Variants in INPP4B observed in about 807,000 individuals in gnomAD.
The protein encoded by INPP4B is inositol polyphosphate-4-phosphatase type II B.
Under a neutral mutation model 122.5 loss-of-function variants are expected in INPP4B, and 55 were observed. That is an observed-to-expected ratio of 0.45 (90% CI 0.36 to 0.56). The LOEUF (loss-of-function observed/expected upper bound fraction) is 0.56, where lower values mean the gene tolerates loss of function less well. INPP4B is among the 20% of genes least tolerant of loss of function. INPP4B has a pLI of 0.00. For synonymous variants in INPP4B, 403 were observed against 388.7 expected (o/e 1.04, Z -0.43); for missense variants, 1,000 against 1,097.7 (o/e 0.91, Z 1.26).
At position 142,587,286 on chromosome 4, in the gene INPP4B, C is replaced by T. The variant is rs574401674; in HGVS notation, c.-190-124560G>A. 2.7e-4 allele frequency among the ~76,000 whole-genome samples: 41 copies of T among 152,132 alleles called. 1 individual carries two copies. Among genetic ancestry groups the T allele is most frequent in the Non-Finnish European group, 5.0e-4 (34 of 67,980 alleles). The stretch of plus-strand genomic sequence containing the variant: ...TTTTTTATATCACTGGTTTCCATAA[C>T]ACCTACCATTTTTGGTGGTTGTGAT... On this transcript the variant is annotated intron_variant, in intron 2 of 25. Coordinates refer to ENST00000262992, the MANE Select transcript of INPP4B (RefSeq NM_001101669.3).
intron 2 of INPP4B, among the ~76,000 whole-genome samples, chr4:142,667,483 A>AG (rs1756294230): frequency 6.6e-6 from 1 of 152,178 alleles, no homozygotes; most frequent in Admixed American, 6.5e-5. Flanking sequence ...TTAGGAATCC[A>AG]GGTTATGGAG....
intron 10 of INPP4B, among the ~76,000 whole-genome samples, chr4:142,261,874 T>C (rs1740201660): frequency 6.6e-6 from 1 of 152,194 alleles, no homozygotes; most frequent in Non-Finnish European, 1.5e-5. Context: ...TTTGATGGGG[T>C]ACAAAAGTGC....
At chr4:142,797,920 A>G (rs1007239945) in intron 1 of INPP4B, among the ~76,000 whole-genome samples, 1 of 151,968 alleles carries the variant, frequency 6.6e-6, no homozygotes, top group Non-Finnish European at 1.5e-5. Flanking sequence ...AAATCAAGAA[A>G]GGGAAAGACA....
At chr4:142,817,842 C>A (rs1380997626) in intron 1 of INPP4B, among the ~76,000 whole-genome samples, 1 of 152,062 alleles carries the variant, frequency 6.6e-6, no homozygotes, top group African/African-American at 2.4e-5. Flanking sequence ...TTTATAACTG[C>A]TATATATTGA....
At chr4:142,721,778 G>T (rs1764723342) in intron 2 of INPP4B, among the ~76,000 whole-genome samples, 1 of 152,058 alleles carries the variant, frequency 6.6e-6, no homozygotes, top group South Asian at 2.1e-4. Context: ...CCGAGATCGC[G>T]CCACTGCACT....
chr4:142,159,655 C>G (rs1315285379), intron 17 of INPP4B, among the ~76,000 whole-genome samples: 2 of 151,852 alleles, frequency 1.3e-5, no homozygotes, highest in Non-Finnish European at 2.9e-5. Context: ...TATGCATATA[C>G]TTTGGAGAAT....
intron 7 of INPP4B, among the ~76,000 whole-genome samples, chr4:142,395,243 G>A (rs1798984761): frequency 6.6e-6 from 1 of 152,134 alleles, no homozygotes; most frequent in Non-Finnish European, 1.5e-5. Flanking sequence ...AAATTCCAGA[G>A]AAAAGGAAAT....
chr4:142,734,771 A>G (rs963818966), intron 1 of INPP4B, among the ~76,000 whole-genome samples: 1 of 152,066 alleles, frequency 6.6e-6, no homozygotes, highest in South Asian at 2.1e-4. Context: ...TTAGCCTCCC[A>G]AGTAGCTGGG....
At chr4:142,522,727 T>C (rs1261697746) in intron 2 of INPP4B, among the ~76,000 whole-genome samples, 2 of 152,028 alleles carry the variant, frequency 1.3e-5, no homozygotes, top group Non-Finnish European at 2.9e-5. Context: ...AATAAGAACA[T>C]GGGTTTTCAT....
intron 10 of INPP4B, among the ~76,000 whole-genome samples, chr4:142,267,272 C>G (rs1404061812): frequency 1.3e-5 from 2 of 152,028 alleles, no homozygotes; most frequent in African/African-American, 2.4e-5. Context: ...GTAAAGAGAA[C>G]AAAACTGGAG....
intron 2 of INPP4B, among the ~76,000 whole-genome samples, chr4:142,673,690 C>T (rs1336759805): frequency 6.6e-6 from 1 of 152,062 alleles, no homozygotes; most frequent in Non-Finnish European, 1.5e-5. Flanking sequence ...TGAGTGTAAA[C>T]CAGAATGAAC....
chr4:142,824,787 A>G (rs1428831942), intron 1 of INPP4B, among the ~76,000 whole-genome samples: 5 of 145,596 alleles, frequency 3.4e-5, no homozygotes, highest in African/African-American at 1.4e-4. Flanking sequence ...TTTAAATAAA[A>G]AGGATCCTTT....
At chr4:142,498,120 T>TAC (rs146304077) in intron 2 of INPP4B, among the ~76,000 whole-genome samples, 50,947 of 149,208 alleles carry the variant, frequency 0.34, 10,705 homozygotes, top group African/African-American at 0.57. Context: ...TATATATATA[T>TAC]ACACACACAC....
chr4:142,258,996 C>T (rs1158672247), intron 11 of INPP4B, among the ~76,000 whole-genome samples: 1 of 151,786 alleles, frequency 6.6e-6, no homozygotes, highest in African/African-American at 2.4e-5. Context: ...AAATGTGGCA[C>T]ATATACACCA....
intron 2 of INPP4B, among the ~76,000 whole-genome samples, chr4:142,533,583 T>C (rs1241028706): frequency 2.6e-5 from 4 of 152,142 alleles, no homozygotes; most frequent in Non-Finnish European, 5.9e-5. Context: ...TCTCAATTAC[T>C]CATCATAATT....
intron 17 of INPP4B, among the ~76,000 whole-genome samples, chr4:142,154,365 C>T (rs923938237): frequency 1.3e-5 from 2 of 152,150 alleles, no homozygotes; most frequent in Non-Finnish European, 2.9e-5. Context: ...TTTCTAGAGG[C>T]TTCTGAAGGC....
chr4:142,562,846 A>AT (rs894608302), intron 2 of INPP4B, among the ~76,000 whole-genome samples: 32 of 151,720 alleles, frequency 2.1e-4, no homozygotes, highest in South Asian at 6.3e-4. Context: ...AGATATTGCT[A>AT]TTTTTTTTTC....
chr4:142,546,116 T>C (rs1829621340), intron 2 of INPP4B, among the ~76,000 whole-genome samples: 1 of 151,928 alleles, frequency 6.6e-6, no homozygotes, highest in Non-Finnish European at 1.5e-5. Flanking sequence ...ACCCAATGTG[T>C]GTGTCGTTCC....
chr4:142,086,748 A>G (rs574803493), intron 23 of INPP4B, among the ~76,000 whole-genome samples: 1 of 152,312 alleles, frequency 6.6e-6, no homozygotes, highest in East Asian at 1.9e-4. Context: ...TTCTTTACTT[A>G]CAAATATGCT....
Sources: allele counts gnomAD v4.1 joint callset (sites outside exome capture counted in the v4.1 genomes callset), GRCh38; gene constraint gnomAD v4.1.1; transcripts MANE v1.5; gene names NCBI Gene and HGNC (gene_info 2026-07-23, HGNC 2026-07-21).